Variants in FANCI observed in about 807,000 individuals in gnomAD.
FANCI encodes FA complementation group I, also known as Fanconi anemia group I protein.
A neutral mutation model predicts 176.1 loss-of-function variants in FANCI; 156 were observed. The ratio of observed to expected loss-of-function variants is 0.89; its 90% CI spans 0.78 to 1.01. The LOEUF is 1.01. FANCI is among the 50% of genes least tolerant of loss of function. The pLI, the probability that FANCI is intolerant of heterozygous loss-of-function variation, is 0.00. For synonymous variants in FANCI, 613 were observed against 541.7 expected (o/e 1.13, Z -1.83); for missense variants, 1,678 against 1,534.1 (o/e 1.09, Z -1.57).
At chr15:89,255,340 T>G (rs1385615641) in intron 2 of FANCI, among the ~76,000 whole-genome samples, 5 of 152,218 alleles carry the variant, frequency 3.3e-5, no homozygotes, top group Non-Finnish European at 7.3e-5. Context: ...CTGGTGATAC[T>G]GACTTTGATA....
chr15:89,273,741 C>T (rs1270572269), intron 11 of FANCI, among the ~76,000 whole-genome samples: 5 of 135,342 alleles, frequency 3.7e-5, no homozygotes, highest in Admixed American at 3.7e-4. Flanking sequence ...GGATACCACA[C>T]AGCCCCAGTT....
At chr15:89,291,426 A>G (rs986997216) in intron 19 of FANCI, among the ~76,000 whole-genome samples, 187 bp from the exon 20 acceptor site, 2 of 152,152 alleles carry the variant, frequency 1.3e-5, no homozygotes, top group African/African-American at 4.8e-5. Context: ...AATCTGTACA[A>G]TATCCAAAGC....
At chr15:89,285,274 T>C in intron 18 of FANCI, 56 bp downstream of exon 18, 3 of 1,601,728 alleles carry the variant, frequency 1.9e-6, no homozygotes, top group Non-Finnish European at 2.6e-6. Flanking sequence ...ATTTTTATTT[T>C]AGTAATTTTT....
chr15:89,290,353 C>T, intron 19 of FANCI, 72 bp downstream of exon 19: 2 of 1,175,644 alleles, frequency 1.7e-6, no homozygotes, highest in South Asian at 1.2e-5. Flanking sequence ...GGTTTTCAGA[C>T]CTTTCAAAAT....
At chr15:89,311,547 A>T (rs2054962723) in intron 34 of FANCI, among the ~76,000 whole-genome samples, 1 of 152,138 alleles carries the variant, frequency 6.6e-6, no homozygotes, top group African/African-American at 2.4e-5. Context: ...CTCTGGGAAG[A>T]TGGTTCACTT....
intron 9 of FANCI, among the ~76,000 whole-genome samples, chr15:89,266,645 T>A (rs1290889549): frequency 6.6e-6 from 1 of 151,720 alleles, no homozygotes; most frequent in Non-Finnish European, 1.5e-5. Flanking sequence ...TGGCTAATTT[T>A]AAAAATTTTT....
At chr15:89,271,172 A>T (rs577188325) in intron 10 of FANCI, among the ~76,000 whole-genome samples, 16 of 152,296 alleles carry the variant, frequency 1.1e-4, no homozygotes, top group African/African-American at 3.9e-4. Flanking sequence ...CAATTTACAT[A>T]GCACAAAATT....
rs1352419914 is a variant in FANCI, at chr15:89,261,719, G to A, written c.423G>A (p.Lys141=). ...TTCTCACTGCCCTGGCTACGAAAAAGGAAAATCTGGCTTATGGAAAAGGTA... is the reference window on the plus strand; with the variant it reads ...TTCTCACTGCCCTGGCTACGAAAAAAGAAAATCTGGCTTATGGAAAAGGTA... ...PIILTALATK[K]ENLAYGKGVL... is the part of the protein sequence containing the mutation. Residue 141 remains lysine (K), a synonymous_variant, in exon 5 of 38, where the codon AAG becomes AAA. Coordinates refer to ENST00000310775, the MANE Select transcript of FANCI (RefSeq NM_001113378.2). 6.2e-7 allele frequency: 1 copy of A among 1,614,036 alleles called. No individual in the cohort carries two copies. Among genetic ancestry groups the A allele is most frequent in the South Asian group, 1.1e-5 (1 of 91,068 alleles).
intron 36 of FANCI, among the ~76,000 whole-genome samples, chr15:89,314,964 CCCA>C (rs1395554789): frequency 6.6e-6 from 1 of 151,560 alleles, no homozygotes; most frequent in Non-Finnish European, 1.5e-5. Flanking sequence ...GCCATCATAC[CCCA>C]CTAGTTTTTT....
chr15:89,252,872 G>A (rs988986785), intron 2 of FANCI, among the ~76,000 whole-genome samples: 5 of 152,146 alleles, frequency 3.3e-5, no homozygotes, highest in South Asian at 4.1e-4. Context: ...TCAACATCAC[G>A]AAAATGTCAA....
intron 18 of FANCI, among the ~76,000 whole-genome samples, chr15:89,288,530 C>T (rs544288771): frequency 7.5e-5 from 11 of 147,276 alleles, no homozygotes; most frequent in Non-Finnish European, 1.7e-4. Flanking sequence ...TTGCCATTTG[C>T]TTTTTTTTTA....
In FANCI at chr15:89,291,493, G is replaced by A. The variant is rs566884145; in HGVS notation, c.1891-120G>A. 18 of 815,002 alleles carry A rather than the reference G, an allele frequency of 2.2e-5. No individual in the cohort carries two copies. In the African/African-American group the frequency reaches 2.9e-4, roughly 13 times the overall value. 50.5% of individuals were successfully genotyped at this position (815,002 alleles called of 1,614,324 possible). A position where few individuals can be genotyped will look rare whatever the true frequency, so the allele number is the denominator to read the frequency against. On this transcript the variant is annotated intron_variant, in intron 19 of 37. Coordinates refer to ENST00000310775, the MANE Select transcript of FANCI (RefSeq NM_001113378.2). ...TAAAAACTTGGCTGCATTGTTCTTTGAACAGTTGGGAAATGTGTGTTAGAA... is the reference window on the plus strand; with the variant it reads ...TAAAAACTTGGCTGCATTGTTCTTTAAACAGTTGGGAAATGTGTGTTAGAA...
intron 24 of FANCI, among the ~76,000 whole-genome samples, chr15:89,299,538 A>G (rs1176506282): frequency 1.3e-5 from 2 of 152,230 alleles, no homozygotes; most frequent in African/African-American, 4.8e-5. Flanking sequence ...CCATTTTTGT[A>G]TGATGTTTCG....
intron 1 of FANCI, among the ~76,000 whole-genome samples, chr15:89,244,758 C>T (rs978117774): frequency 3.9e-5 from 6 of 152,164 alleles, no homozygotes. Flanking sequence ...TGGTAGCCTT[C>T]TAATCTTGGG....
At chr15:89,261,139 C>T (rs1031320203) in intron 4 of FANCI, among the ~76,000 whole-genome samples, 4 of 152,122 alleles carry the variant, frequency 2.6e-5, no homozygotes, top group Middle Eastern at 3.4e-3. Context: ...GGGCTCGTGG[C>T]GCATGTCAGT....
chr15:89,302,412 T>C (rs1485009702), intron 27 of FANCI, among the ~76,000 whole-genome samples: 1 of 152,122 alleles, frequency 6.6e-6, no homozygotes, highest in African/African-American at 2.4e-5. Context: ...AAATAGCTAA[T>C]TGGGGCAGGG....
In FANCI at chr15:89,294,310, C is replaced by T. The variant is rs541913621; in HGVS notation, c.2456+313C>T. Among the ~76,000 whole-genome samples the T allele has an allele frequency of 5.3e-5, 8 of 151,924 alleles. No individual in the cohort carries two copies. The East Asian group carries it at 1.6e-3, about 29-fold the overall frequency. Reference sequence around the variant, plus strand: ...ATATAAAAAGGTAGGGGGTGCCAGGCATGGTGCCTCACTCCTGTAATCCCA... The same window carrying T: ...ATATAAAAAGGTAGGGGGTGCCAGGTATGGTGCCTCACTCCTGTAATCCCA... On this transcript the variant is annotated intron_variant, in intron 23 of 37. Transcript: ENST00000310775.
At chr15:89,294,058 G>C (rs368128375) in intron 23 of FANCI, 61 bp downstream of exon 23, 2 of 1,565,300 alleles carry the variant, frequency 1.3e-6, no homozygotes, top group Non-Finnish European at 1.8e-6. Context: ...ACCTACCTAG[G>C]CTCACTTGTT....
At chr15:89,273,325 AAG>A (rs1491571291) in intron 10 of FANCI, 50 bp from the exon 11 acceptor site, 11 of 919,020 alleles carry the variant, frequency 1.2e-5, no homozygotes, top group African/African-American at 6.3e-5. Flanking sequence ...AAAAAAAAAA[AAG>A]AAAAAAGAAA....
Sources: gnomAD v4.1 joint callset for allele counts (sites outside exome capture counted in the v4.1 genomes callset) on GRCh38, gnomAD v4.1.1 for gene constraint, MANE v1.5 for transcripts, NCBI Gene and HGNC (gene_info 2026-07-23, HGNC 2026-07-21) for gene names.